The following TTC5 variants were observed in gnomAD, a reference collection of about 807,000 sequenced individuals.
TTC5 encodes tetratricopeptide repeat domain 5, also known as tetratricopeptide repeat protein 5.
Under a neutral mutation model 57.4 loss-of-function variants are expected in TTC5, and 46 were observed. The observed-to-expected ratio is 0.80, with a 90% CI of 0.63 to 1.03. The LOEUF is 1.03. TTC5 is among the 50% of genes least tolerant of loss of function. The probability of loss-of-function intolerance (pLI) is 0.00; values close to 1 mark genes in which losing one functional copy is unlikely to be tolerated. For missense variants in TTC5, 504 were observed against 528.1 expected, an observed-to-expected ratio of 0.95 and a Z score of 0.45; for synonymous variants, 190 against 203.5, an observed-to-expected ratio of 0.93 and a Z score of 0.57.
Position 20,299,348 on chromosome 14 carries a change from C to G in TTC5, c.497G>C (p.Arg166Pro). 1 of 1,614,144 alleles carries G rather than the reference C, an allele frequency of 6.2e-7. No individual in the cohort carries two copies. The highest frequency in any genetic ancestry group is 8.5e-7 in the Non-Finnish European group (1 of 1,180,020). Residue 166 changes from arginine to proline, a missense_variant, in exon 4 of 10, where the codon CGA (arginine) becomes CCA (proline). Coordinates refer to ENST00000258821, the MANE Select transcript of TTC5 (RefSeq NM_138376.3). ...EHSHHVMDSV[R>P]QAKLAVQMDV... ...CATCTGAACAGCCAACTTAGCCTGT[C>G]GGACACTGTCCATGACATGGTGAGA...
rs1326655677 is a variant in TTC5, at chr14:20,298,905, G to C, written c.548-17C>G. ...CAAGAATATCTGAAAGAGAAACACA[G>C]TGACAAATCATCTCAGAGTCCAAGT... On this transcript the variant is annotated splice_polypyrimidine_tract_variant and intron_variant, in intron 4 of 9. Coordinates refer to ENST00000258821, the MANE Select transcript of TTC5 (RefSeq NM_138376.3). The C allele has an allele frequency of 1.3e-6, 2 of 1,562,834 alleles. No homozygotes were observed. Among genetic ancestry groups the C allele is most frequent in the South Asian group, 1.1e-5 (1 of 89,832 alleles).
chr14:20,287,222 C>T lies in TTC5; in HGVS notation c.*2405G>A, dbSNP rs7159007. 108,427 of 152,088 alleles carry T rather than the reference C, an allele frequency of 0.71. 39,107 individuals carry two copies. Among genetic ancestry groups the T allele is most frequent in the Non-Finnish European group, 0.78 (53,358 of 68,002 alleles). 9.4% of individuals were successfully genotyped at this position (152,088 alleles called of 1,614,324 possible). A position where few individuals can be genotyped will look rare whatever the true frequency, so the allele number is the denominator to read the frequency against. Reference sequence around the variant, plus strand: ...TTGCGAAACACAGATTGCTGGGCTCCTCCCACATAGTTTTGAATTCAGTAA... The same window carrying T: ...TTGCGAAACACAGATTGCTGGGCTCTTCCCACATAGTTTTGAATTCAGTAA... On this transcript the variant is annotated 3_prime_UTR_variant, in exon 10 of 10. Transcript: ENST00000258821.
At position 20,292,120 on chromosome 14, in the gene TTC5, C is replaced by T; in HGVS notation, c.1066G>A (p.Gly356Ser). The change falls in exon 9 of 10, where the codon GGC (glycine) becomes AGC (serine). Residue 356 changes from glycine to serine, a missense_variant. By Grantham distance (56) the Gly-to-Ser change is moderately conservative. Coordinates refer to ENST00000258821, the MANE Select transcript of TTC5 (RefSeq NM_138376.3). ...TTEEKVPFTFGLVDSDGPCYA... is the reference protein window; with the variant it reads ...TTEEKVPFTFSLVDSDGPCYA... ...CAAGGTCCATCTGAATCTACCAGGC[C>T]AAATGTACTACCAAGTAAAGACAGA... The T allele has an allele frequency of 1.3e-6, 2 of 1,566,946 alleles. No individual in the cohort carries two copies. Among genetic ancestry groups the T allele is most frequent in the Non-Finnish European group, 1.7e-6 (2 of 1,156,326 alleles).
At chr14:20,298,298 A>T (rs773951577) in intron 5 of TTC5, among the ~76,000 whole-genome samples, 28 of 152,150 alleles carry the variant, frequency 1.8e-4, no homozygotes, top group Non-Finnish European at 3.5e-4. Context: ...AACCTAATTC[A>T]CTTAATTCCT....
In TTC5 at chr14:20,288,512, G is replaced by T. The variant is rs898801088; in HGVS notation, c.*1115C>A. On this transcript the variant is annotated 3_prime_UTR_variant, in exon 10 of 10. Coordinates refer to ENST00000258821, the MANE Select transcript of TTC5 (RefSeq NM_138376.3). ...GCTCACTGCAACCTCCACTTCCCAG[G>T]TTCAAGCAATTCTCTGCCTCAGCCT... 1 of 152,272 alleles carries T rather than the reference G, an allele frequency of 6.6e-6. No homozygotes were observed. Among genetic ancestry groups the T allele is most frequent in the Non-Finnish European group, 1.5e-5 (1 of 68,086 alleles). The allele number at this position is 152,272 out of a possible 1,614,324, so 9.4% of individuals were successfully genotyped here.
intron 9 of TTC5, among the ~76,000 whole-genome samples, chr14:20,290,242 G>A (rs897010207): frequency 2.0e-5 from 3 of 152,174 alleles, no homozygotes; most frequent in Admixed American, 6.5e-5. Flanking sequence ...GAAACAGAAT[G>A]TAGCCGTTTT....
intron 3 of TTC5, 85 bp from the exon 4 acceptor site, chr14:20,299,533 A>G: frequency 6.7e-7 from 1 of 1,495,402 alleles, no homozygotes; most frequent in Non-Finnish European, 9.2e-7. Context: ...TTCTAAATCT[A>G]ATTTTTTACC....
chr14:20,295,806 G>C lies in TTC5; in HGVS notation c.745C>G (p.Arg249Gly). 1.2e-6 allele frequency: 2 copies of C among 1,606,420 alleles called. No homozygotes were observed. The highest frequency in any genetic ancestry group is 1.7e-6 in the Non-Finnish European group (2 of 1,178,062). The change falls in exon 7 of 10, where the codon CGG (arginine) becomes GGG (glycine). Residue 249 changes from arginine to glycine, a missense_variant. Transcript: ENST00000258821. ...SYGEALEGFS[R>G]AAALDPAWPE... Reference sequence around the variant, plus strand: ...CAGGCAGGGTCCAGGGCTGCAGCCCGAGAGAAGCCCTCCAGGGCCTCCCCA... The same window carrying C: ...CAGGCAGGGTCCAGGGCTGCAGCCCCAGAGAAGCCCTCCAGGGCCTCCCCA...
At position 20,295,359 on chromosome 14, in the gene TTC5, G is replaced by A. The variant is rs1311758620; in HGVS notation, c.1011C>T (p.Ile337=). 2 of 1,614,042 alleles carry A rather than the reference G, an allele frequency of 1.2e-6. No homozygotes were observed. Among genetic ancestry groups the A allele is most frequent in the African/African-American group, 2.7e-5 (2 of 74,912 alleles). ...LQPGVNSGAV[I]LGKVVFSLTT... The stretch of plus-strand genomic sequence containing the variant: ...TGAGGCTAAATACCACCTTTCCCAG[G>A]ATGACGGCACCGCTGTTCACCCCAG... The change falls in exon 8 of 10, where the codon ATC becomes ATT. Residue 337 remains isoleucine (I), a synonymous_variant. Transcript: ENST00000258821.
At chr14:20,305,788 C>T in intron 1 of TTC5, 99 bp downstream of exon 1, 1 of 1,216,844 alleles carries the variant, frequency 8.2e-7, no homozygotes, top group Non-Finnish European at 1.2e-6. Context: ...CACGCAGCTT[C>T]GCGTGTGTGC....
At chr14:20,297,527 T>C (rs1252185694) in intron 5 of TTC5, among the ~76,000 whole-genome samples, 1 of 152,060 alleles carries the variant, frequency 6.6e-6, no homozygotes, top group Non-Finnish European at 1.5e-5. Flanking sequence ...TCCCAACACT[T>C]TGGGAGACCG....
chr14:20,298,982 A>C, intron 4 of TTC5, 94 bp from the exon 5 acceptor site: 1 of 1,026,984 alleles, frequency 9.7e-7, no homozygotes, highest in Non-Finnish European at 1.5e-6. Context: ...GAAAGGTCCC[A>C]CAAGAAATCC....
In TTC5 at chr14:20,289,632, CACACTGTGGTCGCGATG is replaced by C. The variant is rs1881912092; in HGVS notation, c.1301_1317del (p.Ala434GlyfsTer39). The C allele has an allele frequency of 1.9e-6, 3 of 1,612,568 alleles. No individual in the cohort carries two copies. Among genetic ancestry groups the C allele is most frequent in the Non-Finnish European group, 2.5e-6 (3 of 1,179,194 alleles). ...TTGAGCATGCAAGTCAAAGGTCATT[CACACTGTGGTCGCGATG>C]CCACTGTGGCAACAGCCTGGCTGCT... On this transcript the variant is annotated frameshift_variant, in exon 10 of 10. Transcript: ENST00000258821. LOFTEE classifies it high-confidence loss of function.
rs1881859910 is a variant in TTC5, at chr14:20,287,334, C to G, written c.*2293G>C. On this transcript the variant is annotated 3_prime_UTR_variant, in exon 10 of 10. Transcript: ENST00000258821. ...TGGTCTGGGAACCACTCTTCAAGAG[C>G]CATTGCTGTAAAAGAAACTTTTGCA... 1 of 152,132 alleles carries G rather than the reference C, an allele frequency of 6.6e-6. No homozygotes were observed. The highest frequency in any genetic ancestry group is 1.5e-5 in the Non-Finnish European group (1 of 68,020). The allele number at this position is 152,132 out of a possible 1,614,324, so 9.4% of individuals were successfully genotyped here. A position where few individuals can be genotyped will look rare whatever the true frequency, so the allele number is the denominator to read the frequency against.
In TTC5 at chr14:20,299,464, G is replaced by A. The variant is rs757948389; in HGVS notation, c.397-16C>T. 11 of 1,611,814 alleles carry A rather than the reference G, an allele frequency of 6.8e-6. No homozygotes were observed. In the Admixed American group the frequency reaches 1.8e-4, roughly 27 times the overall value. ...TGTTCCTGCACTGCAAATAGGAAGG[G>A]CACATACTCAATCTTCCTGATTCTA... On this transcript the variant is annotated splice_polypyrimidine_tract_variant and intron_variant, in intron 3 of 9. Coordinates refer to ENST00000258821, the MANE Select transcript of TTC5 (RefSeq NM_138376.3).
rs958540085 is a variant in TTC5, at chr14:20,289,565, G to A, written c.*62C>T. 4 of 1,546,960 alleles carry A rather than the reference G, an allele frequency of 2.6e-6. No individual in the cohort carries two copies. The African/African-American group carries it at 4.1e-5, about 16-fold the overall frequency. On this transcript the variant is annotated 3_prime_UTR_variant, in exon 10 of 10. Transcript: ENST00000258821. ...CCTGCTGAATCACTGGATGTGGCTG[G>A]ACCGGCTGTCCAGAGCCTTGTCTCC...
rs1328271970 is a variant in TTC5 at position 20,286,745 on chromosome 14, A to AC, written c.*2881_*2882insG. The AC allele has an allele frequency of 3.8e-5, 4 of 106,242 alleles. No individual in the cohort carries two copies. The highest frequency in any genetic ancestry group is 1.2e-4 in the African/African-American group (4 of 33,476). 6.6% of individuals were successfully genotyped at this position (106,242 alleles called of 1,614,324 possible). A position where few individuals can be genotyped will look rare whatever the true frequency, so the allele number is the denominator to read the frequency against. ...TCTGTTCAGCAAAAGACCCAATAGA[A>AC]TAAAAAAAAAAACAGGATAAAACTG... On this transcript the variant is annotated 3_prime_UTR_variant, in exon 10 of 10. Coordinates refer to ENST00000258821, the MANE Select transcript of TTC5 (RefSeq NM_138376.3).
chr14:20,295,317 G>A lies in TTC5; in HGVS notation c.1053C>T (p.Val351=). ...VVFSLTTEEK[V]PFTFGLVDSD... is the part of the protein sequence containing the mutation. Reference sequence around the variant, plus strand: ...GAAATCCAAGAGAAACTCACAAGGGGACTTTCTCCTCTGTGGTGAGGCTAA... The same window carrying A: ...GAAATCCAAGAGAAACTCACAAGGGAACTTTCTCCTCTGTGGTGAGGCTAA... Residue 351 remains valine (V), a synonymous_variant, in exon 8 of 10, where the codon GTC becomes GTT. Coordinates refer to ENST00000258821, the MANE Select transcript of TTC5 (RefSeq NM_138376.3). The A allele has an allele frequency of 6.2e-7, 1 of 1,614,046 alleles. No individual in the cohort carries two copies. The highest frequency in any genetic ancestry group is 2.2e-5 in the East Asian group (1 of 44,880).
At chr14:20,290,257 A>G (rs1218040638) in intron 9 of TTC5, among the ~76,000 whole-genome samples, 1 of 152,260 alleles carries the variant, frequency 6.6e-6, no homozygotes. Context: ...CGTTTTCCTA[A>G]TAACAAAAAA....
Sources: gnomAD v4.1 joint callset for allele counts (sites outside exome capture counted in the v4.1 genomes callset) on GRCh38, gnomAD v4.1.1 for gene constraint, MANE v1.5 for transcripts, NCBI Gene and HGNC (gene_info 2026-07-23, HGNC 2026-07-21) for gene names.